The following SLC24A4 variants were observed in gnomAD, a reference collection of about 807,000 sequenced individuals.
The protein encoded by SLC24A4 is sodium/potassium/calcium exchanger 4.
In SLC24A4, 53 loss-of-function variants were observed where a neutral mutation model predicts 79.0. That is an observed-to-expected ratio of 0.67 (90% CI 0.54 to 0.84). SLC24A4 has a LOEUF of 0.84. SLC24A4 is among the 40% of genes least tolerant of loss of function. The pLI, the probability that SLC24A4 is intolerant of heterozygous loss-of-function variation, is 0.00. For synonymous variants in SLC24A4, 323 were observed against 323.8 expected, an observed-to-expected ratio of 1.00 and a Z score of 0.03; for missense variants, 731 against 822.0, an observed-to-expected ratio of 0.89 and a Z score of 1.35.
intron 2 of SLC24A4, among the ~76,000 whole-genome samples, chr14:92,404,691 A>T (rs1890281775): frequency 6.6e-6 from 1 of 151,274 alleles, no homozygotes; most frequent in African/African-American, 2.4e-5. Context: ...GCATCCCTTC[A>T]CTCCCCTTCA....
rs564543156 is a variant in SLC24A4, at chr14:92,490,888, G to A, written c.1538-777G>A. 6.6e-6 allele frequency among the ~76,000 whole-genome samples: 1 copy of A among 152,370 alleles called. No homozygotes were observed. Among genetic ancestry groups the A allele is most frequent in the African/African-American group, 2.4e-5 (1 of 41,596 alleles). On this transcript the variant is annotated intron_variant, in intron 14 of 16. Transcript: ENST00000532405. The surrounding 1 kb of genome is among the most constrained non-coding windows in gnomAD (Gnocchi z 4.3). ...GGTTCCGGAGGCCAGAAGCCTGAAG[G>A]AGAGTCTGTCCCAGGCCCCTCTTGC...
chr14:92,465,903 T>C (rs1418768616), intron 12 of SLC24A4, among the ~76,000 whole-genome samples: 1 of 152,216 alleles, frequency 6.6e-6, no homozygotes, highest in Non-Finnish European at 1.5e-5. Flanking sequence ...TGATACCTGA[T>C]GTTTTTCCTC....
intron 2 of SLC24A4, among the ~76,000 whole-genome samples, chr14:92,326,363 G>A (rs1232643226): frequency 6.6e-6 from 1 of 152,106 alleles, no homozygotes; most frequent in Non-Finnish European, 1.5e-5. Context: ...CAGCTGCTGT[G>A]GCAATGGTGC....
chr14:92,482,144 C>A (rs528455973), intron 12 of SLC24A4, among the ~76,000 whole-genome samples: 1 of 152,346 alleles, frequency 6.6e-6, no homozygotes, highest in South Asian at 2.1e-4. Flanking sequence ...ATCATTCTTG[C>A]AACAACCAAG....
In SLC24A4 at chr14:92,398,390, C is replaced by A. The variant is rs1889900141; in HGVS notation, c.242-35522C>A. ...CTGGTGGGCGGAGCAAGCATCCACA[C>A]AGAGTGTTGGAGAAGTGGGCATGGG... On this transcript the variant is annotated intron_variant, in intron 2 of 16. Transcript: ENST00000532405. The surrounding 1 kb of genome is among the most constrained non-coding windows in gnomAD (Gnocchi z 4.1). Among the ~76,000 whole-genome samples, 1 of 152,150 alleles carries A rather than the reference C, an allele frequency of 6.6e-6. No individual in the cohort carries two copies. The highest frequency in any genetic ancestry group is 6.5e-5 in the Admixed American group (1 of 15,286).
intron 2 of SLC24A4, among the ~76,000 whole-genome samples, chr14:92,367,447 C>T (rs5024252): frequency 0.78 from 118,317 of 151,944 alleles, 49,150 homozygotes; most frequent in East Asian, 0.95. Context: ...ATATGTTATC[C>T]CACACAGTTG....
At chr14:92,425,969 T>C (rs4900121) in intron 2 of SLC24A4, among the ~76,000 whole-genome samples, 63,503 of 151,734 alleles carry the variant, frequency 0.42, 13,505 homozygotes, top group Non-Finnish European at 0.44. Context: ...GGTGACAGAG[T>C]GAGACCCTGT....
chr14:92,373,965 A>G (rs1888353035), intron 2 of SLC24A4, among the ~76,000 whole-genome samples: 1 of 152,202 alleles, frequency 6.6e-6, no homozygotes, highest in African/African-American at 2.4e-5. Context: ...AGCAAATATC[A>G]TATATCATAT....
At chr14:92,364,007 G>C (rs757550415) in intron 2 of SLC24A4, among the ~76,000 whole-genome samples, 15 of 152,042 alleles carry the variant, frequency 9.9e-5, no homozygotes, top group Non-Finnish European at 1.9e-4. Flanking sequence ...TGGCCATCTC[G>C]TCTGTCCTGG....
rs928645987 is a variant in SLC24A4 at position 92,496,206 on chromosome 14, G to A, written c.*2578G>A. 1 of 152,626 alleles carries A rather than the reference G, an allele frequency of 6.6e-6. No homozygotes were observed. The highest frequency in any genetic ancestry group is 1.5e-5 in the Non-Finnish European group (1 of 68,034). The allele number at this position is 152,626 out of a possible 1,614,324, so 9.5% of individuals were successfully genotyped here. On this transcript the variant is annotated 3_prime_UTR_variant, in exon 17 of 17. Coordinates refer to ENST00000532405, the MANE Select transcript of SLC24A4 (RefSeq NM_153646.4). ...TTTCTTTTGACTTTAATGTGCCAATGTAACTTCCTTTAAAGGATCTATGCA... is the reference window on the plus strand; with the variant it reads ...TTTCTTTTGACTTTAATGTGCCAATATAACTTCCTTTAAAGGATCTATGCA...
At chr14:92,426,895 C>T (rs1891594678) in intron 2 of SLC24A4, among the ~76,000 whole-genome samples, 1 of 152,156 alleles carries the variant, frequency 6.6e-6, no homozygotes, top group African/African-American at 2.4e-5. Context: ...GTCTGGTTTT[C>T]ATCGTTTCAG....
chr14:92,476,803 A>G (rs1017557163), intron 12 of SLC24A4, among the ~76,000 whole-genome samples: 5 of 152,182 alleles, frequency 3.3e-5, no homozygotes, highest in African/African-American at 1.2e-4. Flanking sequence ...ATCTATCAAT[A>G]TATGGCCTTT....
At chr14:92,445,077 A>G (rs1458659048) in intron 7 of SLC24A4, among the ~76,000 whole-genome samples, 1 of 152,192 alleles carries the variant, frequency 6.6e-6, no homozygotes, top group Non-Finnish European at 1.5e-5. Context: ...TTGGACTGTT[A>G]TAAAGCACAG....
At chr14:92,466,777 T>G (rs1467613111) in intron 12 of SLC24A4, among the ~76,000 whole-genome samples, 1 of 152,170 alleles carries the variant, frequency 6.6e-6, no homozygotes, top group African/African-American at 2.4e-5. Context: ...GCAGGCAAGC[T>G]GTACAGTACA....
At chr14:92,473,951 G>C (rs748590132) in intron 12 of SLC24A4, among the ~76,000 whole-genome samples, 1 of 152,096 alleles carries the variant, frequency 6.6e-6, no homozygotes, top group Non-Finnish European at 1.5e-5. Context: ...GAGGTGTCCC[G>C]GGATTCTTAC....
At chr14:92,427,845 C>A (rs186031738) in intron 2 of SLC24A4, among the ~76,000 whole-genome samples, 2 of 152,272 alleles carry the variant, frequency 1.3e-5, no homozygotes, top group East Asian at 3.9e-4. Context: ...GGAGGCGGGG[C>A]CTTTGGAGGT....
chr14:92,448,379 C>CACACACACACAA (rs1491519475), intron 9 of SLC24A4, among the ~76,000 whole-genome samples: 41 of 148,820 alleles, frequency 2.8e-4, no homozygotes, highest in African/African-American at 9.9e-4. Flanking sequence ...CACACACACA[C>CACACACACACAA]AAATCCCTAC....
At chr14:92,409,268 C>T (rs952411855) in intron 2 of SLC24A4, among the ~76,000 whole-genome samples, 2 of 152,162 alleles carry the variant, frequency 1.3e-5, no homozygotes, top group Admixed American at 1.3e-4. Context: ...GAGAATGGAC[C>T]TAGGGAAGGA....
chr14:92,326,016 T>C (rs2141585964), intron 2 of SLC24A4, 38 bp downstream of exon 2: 2 of 1,463,870 alleles, frequency 1.4e-6, no homozygotes, highest in Non-Finnish European at 1.9e-6. Flanking sequence ...TCTACTAAGA[T>C]GTTTGGCCTG....
Sources: allele counts gnomAD v4.1 joint callset (sites outside exome capture counted in the v4.1 genomes callset), GRCh38; gene constraint gnomAD v4.1.1; non-coding constraint Gnocchi (gnomAD v3.1); transcripts MANE v1.5; gene names NCBI Gene and HGNC (gene_info 2026-07-23, HGNC 2026-07-21).